The following ZNF571 variants were observed in gnomAD, a reference collection of about 807,000 sequenced individuals.
The protein encoded by ZNF571 is zinc finger protein 571.
Under a neutral mutation model 7.7 loss-of-function variants are expected in ZNF571, and 4 were observed. The ratio of observed to expected loss-of-function variants is 0.52; its 90% CI spans 0.25 to 1.18. The LOEUF (loss-of-function observed/expected upper bound fraction) is 1.18, where lower values mean the gene tolerates loss of function less well. ZNF571 is among the 50% of genes most tolerant of loss of function. The probability of loss-of-function intolerance (pLI) is 0.14; values close to 1 mark genes in which losing one functional copy is unlikely to be tolerated. For synonymous variants in ZNF571, 251 were observed against 232.4 expected, an observed-to-expected ratio of 1.08 and a Z score of -0.73; for missense variants, 704 against 726.9, an observed-to-expected ratio of 0.97 and a Z score of 0.36.
intron 1 of ZNF571, among the ~76,000 whole-genome samples, chr19:37,593,602 C>A (rs1309512166): frequency 6.6e-6 from 1 of 152,078 alleles, no homozygotes; most frequent in Non-Finnish European, 1.5e-5. Flanking sequence ...ACTCGGGAGG[C>A]TTAGGCAGGA....
intron 3 of ZNF571, among the ~76,000 whole-genome samples, chr19:37,581,379 C>T (rs2043454097): frequency 6.6e-6 from 1 of 152,092 alleles, no homozygotes; most frequent in African/African-American, 2.4e-5. Context: ...AAGCAACCGT[C>T]CTTTTTGACC....
rs1218364772 is a variant in ZNF571, at chr19:37,565,196, C to A, written c.1232G>T (p.Arg411Ile). 2.5e-6 allele frequency: 4 copies of A among 1,613,514 alleles called. No individual in the cohort carries two copies. The highest frequency in any genetic ancestry group is 1.7e-4 in the Middle Eastern group (1 of 6,058). Residue 411 changes from arginine to isoleucine, a missense_variant, in exon 4 of 4, where the codon AGA (arginine) becomes ATA (isoleucine). Coordinates refer to ENST00000451802, the MANE Select transcript of ZNF571 (RefSeq NM_016536.5). ...ISNSNLIQHQ[R>I]IHTGEKPYKC... The stretch of plus-strand genomic sequence containing the variant: ...GTAGGGCTTCTCTCCGGTATGAATT[C>A]TTTGATGTTGAATAAGATTAGAATT...
chr19:37,593,968 G>A (rs1303399110), intron 1 of ZNF571: 1 of 152,182 alleles, frequency 6.6e-6, no homozygotes, highest in East Asian at 1.9e-4. Flanking sequence ...ACTTTCAGAA[G>A]TGCGATATTC....
At chr19:37,573,799 C>T (rs980221926) in intron 3 of ZNF571, among the ~76,000 whole-genome samples, 1 of 150,286 alleles carries the variant, frequency 6.7e-6, no homozygotes, top group Non-Finnish European at 1.5e-5. Flanking sequence ...TGCCACTGCA[C>T]TCCAGTCTGC....
chr19:37,586,508 A>C, intron 2 of ZNF571, 160 bp downstream of exon 2: 1 of 727,328 alleles, frequency 1.4e-6, no homozygotes, highest in East Asian at 2.6e-5. Flanking sequence ...AGCATTGAGA[A>C]GAATTGGGCT....
intron 1 of ZNF571, among the ~76,000 whole-genome samples, chr19:37,591,142 C>G (rs2043856969): frequency 6.6e-6 from 1 of 152,236 alleles, no homozygotes; most frequent in South Asian, 2.1e-4. Flanking sequence ...AAACGACAGC[C>G]TTATGGCAAT....
intron 1 of ZNF571, among the ~76,000 whole-genome samples, chr19:37,589,348 A>C (rs957518150): frequency 6.6e-6 from 1 of 152,146 alleles, no homozygotes; most frequent in Non-Finnish European, 1.5e-5. Context: ...TACACAGACA[A>C]ATGACAAAAT....
chr19:37,589,219 A>AG (rs2043791460), intron 1 of ZNF571, among the ~76,000 whole-genome samples: 1 of 151,296 alleles, frequency 6.6e-6, no homozygotes, highest in Non-Finnish European at 1.5e-5. Flanking sequence ...AAAAAAAAAA[A>AG]AATCACAAAA....
intron 3 of ZNF571, among the ~76,000 whole-genome samples, chr19:37,574,827 C>T (rs1463183676): frequency 1.3e-5 from 2 of 152,156 alleles, no homozygotes; most frequent in Non-Finnish European, 2.9e-5. Context: ...TCTAATTTCC[C>T]AGAGTAATCT....
In ZNF571 at chr19:37,586,512, T is replaced by C. The variant is rs143256869; in HGVS notation, c.9+156A>G. ...GAGAGGGGAAAAGCATTGAGAAGAATTGGGCTCTTTGCTACTATTACTCGC... is the reference window on the plus strand; with the variant it reads ...GAGAGGGGAAAAGCATTGAGAAGAACTGGGCTCTTTGCTACTATTACTCGC... On this transcript the variant is annotated intron_variant, in intron 2 of 3. Transcript: ENST00000451802. The C allele has an allele frequency of 2.7e-4, 203 of 747,100 alleles. 1 individual carries two copies. Among genetic ancestry groups the C allele is most frequent in the African/African-American group, 1.1e-3 (62 of 56,312 alleles). The allele number at this position is 747,100 out of a possible 1,614,324, so 46.3% of individuals were successfully genotyped here.
At chr19:37,570,326 T>C (rs2043009117) in intron 3 of ZNF571, among the ~76,000 whole-genome samples, 1 of 152,194 alleles carries the variant, frequency 6.6e-6, no homozygotes, top group Non-Finnish European at 1.5e-5. Context: ...GTGATTATTT[T>C]CTTCACCTTC....
chr19:37,574,236 C>T (rs367716292), intron 3 of ZNF571, among the ~76,000 whole-genome samples: 1 of 152,118 alleles, frequency 6.6e-6, no homozygotes, highest in Non-Finnish European at 1.5e-5. Context: ...AAAACCGCAA[C>T]GTATGCTAAC....
rs1568338189 is a variant in ZNF571, at chr19:37,564,560, T to A, written c.*38A>T. On this transcript the variant is annotated 3_prime_UTR_variant, in exon 4 of 4. Transcript: ENST00000451802. ...ACATTCATTATAGATATGAAATAGA[T>A]GAAGATTTTCTTAAATTTAATCACA... The A allele has an allele frequency of 1.4e-6, 2 of 1,453,142 alleles. No individual in the cohort carries two copies. Among genetic ancestry groups the A allele is most frequent in the Non-Finnish European group, 9.1e-7 (1 of 1,098,890 alleles). The allele number at this position is 1,453,142 out of a possible 1,614,324, so 90.0% of individuals were successfully genotyped here.
chr19:37,567,448 A>G (rs2042899861), intron 3 of ZNF571, among the ~76,000 whole-genome samples: 1 of 152,194 alleles, frequency 6.6e-6, no homozygotes, highest in African/African-American at 2.4e-5. Flanking sequence ...CCAAACTCCT[A>G]TTCATGGCCT....
rs1289069434 is a variant in ZNF571 at position 37,564,410 on chromosome 19, CA to C, written c.*187del. ...ATGCTTAATAAAGGATATAATTCAGCATTATATTCTAGCGTTTATAGAGATG... is the reference window on the plus strand; with the variant it reads ...ATGCTTAATAAAGGATATAATTCAGCTTATATTCTAGCGTTTATAGAGATG... On this transcript the variant is annotated 3_prime_UTR_variant, in exon 4 of 4. Transcript: ENST00000451802. The C allele has an allele frequency of 1.2e-5, 5 of 429,544 alleles. No individual in the cohort carries two copies. Among genetic ancestry groups the C allele is most frequent in the Non-Finnish European group, 2.0e-5 (5 of 248,044 alleles). 26.6% of individuals were successfully genotyped at this position (429,544 alleles called of 1,614,324 possible). A position where few individuals can be genotyped will look rare whatever the true frequency, so the allele number is the denominator to read the frequency against.
At chr19:37,572,638 A>G (rs2043103036) in intron 3 of ZNF571, among the ~76,000 whole-genome samples, 1 of 152,208 alleles carries the variant, frequency 6.6e-6, no homozygotes, top group Non-Finnish European at 1.5e-5. Flanking sequence ...TTTTGCTAAG[A>G]AAGTATGCAA....
chr19:37,579,476 C>T (rs2072005256), intron 3 of ZNF571, among the ~76,000 whole-genome samples: 1 of 152,178 alleles, frequency 6.6e-6, no homozygotes, highest in Non-Finnish European at 1.5e-5. Flanking sequence ...AACAGGTGAC[C>T]CTTAACCAAT....
chr19:37,594,716 G>T (rs1373978189), intron 1 of ZNF571, 25 bp downstream of exon 1: 1 of 152,322 alleles, frequency 6.6e-6, no homozygotes, highest in Non-Finnish European at 1.5e-5. Flanking sequence ...GCTGCGAGCG[G>T]TTCCCGGTGA....
intron 3 of ZNF571, among the ~76,000 whole-genome samples, chr19:37,582,661 G>A (rs545128333): frequency 2.6e-5 from 4 of 152,174 alleles, no homozygotes; most frequent in Admixed American, 6.5e-5. Flanking sequence ...TATCAAATAC[G>A]TAACTCTTGA....
Sources: gnomAD v4.1 joint callset for allele counts (sites outside exome capture counted in the v4.1 genomes callset) on GRCh38, gnomAD v4.1.1 for gene constraint, MANE v1.5 for transcripts, NCBI Gene and HGNC (gene_info 2026-07-23, HGNC 2026-07-21) for gene names.